The following CCDC73 variants were observed in gnomAD, a reference collection of about 807,000 sequenced individuals.
CCDC73 encodes coiled-coil domain-containing protein 73.
Under a neutral mutation model 116.5 loss-of-function variants are expected in CCDC73, and 95 were observed. The observed-to-expected ratio is 0.82, with a 90% confidence interval of 0.69 to 0.97. The LOEUF is 0.97. Ranked by LOEUF, CCDC73 falls within the 50% of genes least tolerant of loss-of-function variation. CCDC73 has a pLI of 0.00. For synonymous variants in CCDC73, 398 were observed against 401.3 expected, an observed-to-expected ratio of 0.99 and a Z score of 0.10; for missense variants, 1,066 against 1,206.8, an observed-to-expected ratio of 0.88 and a Z score of 1.73.
chr11:32,674,085 C>T (rs1189675902), intron 9 of CCDC73, among the ~76,000 whole-genome samples: 2 of 152,122 alleles, frequency 1.3e-5, no homozygotes, highest in African/African-American at 4.8e-5. Context: ...AGTCAGAAGA[C>T]GTGGAAGCCC....
intron 3 of CCDC73, among the ~76,000 whole-genome samples, chr11:32,712,361 T>C (rs897700294): frequency 2.0e-5 from 3 of 152,106 alleles, no homozygotes; most frequent in Non-Finnish European, 4.4e-5. Flanking sequence ...GCACAGCATG[T>C]AGTAAGCATA....
intron 6 of CCDC73, among the ~76,000 whole-genome samples, 158 bp from the exon 7 acceptor site, chr11:32,683,732 A>C (rs535165791): frequency 1.3e-5 from 2 of 152,190 alleles, no homozygotes; most frequent in Non-Finnish European, 2.9e-5. Flanking sequence ...TATATGCTAG[A>C]TACTTTCCTA....
intron 16 of CCDC73, among the ~76,000 whole-genome samples, chr11:32,611,758 T>C (rs967728326): frequency 6.6e-6 from 1 of 152,196 alleles, no homozygotes; most frequent in Non-Finnish European, 1.5e-5. Flanking sequence ...AATAAATTGA[T>C]AGAAATGAGT....
At chr11:32,758,646 G>GAA in intron 2 of CCDC73, 78 of 244,722 alleles carry the variant, frequency 3.2e-4, no homozygotes, top group South Asian at 6.4e-4. Flanking sequence ...GGTAATAAAA[G>GAA]AAAAAAAAAA....
intron 9 of CCDC73, among the ~76,000 whole-genome samples, chr11:32,673,478 T>C (rs80337025): frequency 0.066 from 10,072 of 152,240 alleles, 390 homozygotes; most frequent in South Asian, 0.12. Flanking sequence ...ATTTTTTTCC[T>C]TTTAAAAATA....
chr11:32,645,291 C>CTTTTTTTTTT (rs397689348), intron 12 of CCDC73, among the ~76,000 whole-genome samples: 2 of 121,084 alleles, frequency 1.7e-5, no homozygotes, highest in East Asian at 2.2e-4. Flanking sequence ...TTTTCTTTTT[C>CTTTTTTTTTT]TTTTTTTTTT....
intron 14 of CCDC73, among the ~76,000 whole-genome samples, chr11:32,628,008 G>A (rs1855592562): frequency 6.6e-6 from 1 of 152,024 alleles, no homozygotes. Context: ...ACTAATTACA[G>A]AGCTCTTTAA....
chr11:32,817,288 A>C, the CCDC73 span, among the ~76,000 whole-genome samples: 2 of 152,250 alleles, frequency 1.3e-5, no homozygotes, highest in Non-Finnish European at 1.5e-5. Context: ...ATCTTTGCAT[A>C]CATCCAGGCT....
intron 2 of CCDC73, among the ~76,000 whole-genome samples, chr11:32,745,679 T>C (rs1294794246): frequency 1.3e-5 from 2 of 152,148 alleles, no homozygotes. Flanking sequence ...TCTTCTGATC[T>C]TTGTTTGTTT....
chr11:32,721,968 AAAGAT>A (rs1849994056), intron 2 of CCDC73, among the ~76,000 whole-genome samples: 1 of 152,154 alleles, frequency 6.6e-6, no homozygotes, highest in Non-Finnish European at 1.5e-5. Flanking sequence ...TATGTTACTC[AAAGAT>A]AGACTTTCAT....
At chr11:32,758,457 C>T (rs1318209308) in intron 2 of CCDC73, 3 of 467,014 alleles carry the variant, frequency 6.4e-6, no homozygotes, top group Non-Finnish European at 1.3e-5. Flanking sequence ...ACCTAAAGTT[C>T]TTATGAGGTT....
intron 1 of CCDC73, among the ~76,000 whole-genome samples, chr11:32,763,715 C>A (rs11031969): frequency 6.6e-6 from 1 of 152,124 alleles, no homozygotes; most frequent in East Asian, 1.9e-4. Flanking sequence ...ACCTCTCCCC[C>A]TCCAACGGAA....
At chr11:32,684,615 ATCT>A (rs1856177041) in intron 6 of CCDC73, among the ~76,000 whole-genome samples, 3 of 152,300 alleles carry the variant, frequency 2.0e-5, no homozygotes, top group African/African-American at 7.2e-5. Flanking sequence ...ACATGCTTGT[ATCT>A]AGACTTTTAA....
In CCDC73 at chr11:32,662,234, C is replaced by G. The variant is rs192303780; in HGVS notation, c.646-7262G>C. On this transcript the variant is annotated intron_variant, in intron 9 of 17. Coordinates refer to ENST00000335185, the MANE Select transcript of CCDC73 (RefSeq NM_001008391.4). ...ATGGCTGGGTCAAATGGTATTTCTA[C>G]TTCTAGATCCTTAAGGAATCGCCAC... 7.2e-3 allele frequency among the ~76,000 whole-genome samples: 1,099 copies of G among 152,218 alleles called. 9 individuals are homozygous for G. The highest frequency in any genetic ancestry group is 0.017 in the Middle Eastern group (5 of 294).
intron 2 of CCDC73, among the ~76,000 whole-genome samples, chr11:32,727,732 C>T (rs71479175): frequency 0.084 from 12,803 of 152,024 alleles, 616 homozygotes; most frequent in South Asian, 0.11. Flanking sequence ...CCACCACGTC[C>T]GGCTAGTTTT....
At position 32,757,578 on chromosome 11, in the gene CCDC73, A is replaced by C. The variant is rs1232133156; in HGVS notation, c.135+2531T>G. On this transcript the variant is annotated intron_variant, in intron 2 of 17. Coordinates refer to ENST00000335185, the MANE Select transcript of CCDC73 (RefSeq NM_001008391.4). The stretch of plus-strand genomic sequence containing the variant: ...TTGCAGTTCTGGAGGTCAGAAGTCC[A>C]AGGTATCTGCAGGGCGGCATACCTT... Among the ~76,000 whole-genome samples the C allele has an allele frequency of 2.6e-5, 4 of 152,186 alleles. 1 individual carries two copies. Among genetic ancestry groups the C allele is most frequent in the Admixed American group, 2.0e-4 (3 of 15,272 alleles).
the CCDC73 span, among the ~76,000 whole-genome samples, chr11:32,823,460 C>T: frequency 5.9e-5 from 9 of 151,692 alleles, no homozygotes; most frequent in Non-Finnish European, 1.2e-4. Context: ...GGCGACAGAG[C>T]GAGACTCTGT....
At chr11:32,721,217 G>T (rs1227816717) in intron 2 of CCDC73, among the ~76,000 whole-genome samples, 1 of 152,094 alleles carries the variant, frequency 6.6e-6, no homozygotes, top group Non-Finnish European at 1.5e-5. Flanking sequence ...TAGAAATGGG[G>T]TTTTACCATG....
At chr11:32,665,265 G>A (rs1855969584) in intron 9 of CCDC73, among the ~76,000 whole-genome samples, 1 of 152,152 alleles carries the variant, frequency 6.6e-6, no homozygotes, top group African/African-American at 2.4e-5. Context: ...GGGTGTTAAA[G>A]TCTCCCATTA....
Sources: gnomAD v4.1 joint callset for allele counts (sites outside exome capture counted in the v4.1 genomes callset) on GRCh38, gnomAD v4.1.1 for gene constraint, MANE v1.5 for transcripts, NCBI Gene and HGNC (gene_info 2026-07-23, HGNC 2026-07-21) for gene names.